Variants in FIGN observed in about 807,000 individuals in gnomAD.
FIGN encodes fidgetin, microtubule severing factor, also known as fidgetin.
In FIGN, 11 loss-of-function variants were observed where a neutral mutation model predicts 51.3. The ratio of observed to expected loss-of-function variants is 0.21; its 90% CI spans 0.13 to 0.35. FIGN has a LOEUF of 0.35. Among genes scored for constraint, FIGN ranks in the 10% least tolerant of loss-of-function variants. FIGN has a pLI of 1.00. For missense variants in FIGN, 857 were observed against 943.6 expected (o/e 0.91, Z 1.20); for synonymous variants, 407 against 363.2 (o/e 1.12, Z -1.37).
intron 2 of FIGN, among the ~76,000 whole-genome samples, chr2:163,727,599 AT>A (rs1369886856): frequency 3.3e-5 from 5 of 151,952 alleles, no homozygotes; most frequent in Non-Finnish European, 5.9e-5. Flanking sequence ...AATAAGTTCA[AT>A]TTTTTTCTTC....
At chr2:163,684,665 C>T (rs542633605) in intron 2 of FIGN, among the ~76,000 whole-genome samples, 1 of 152,320 alleles carries the variant, frequency 6.6e-6, no homozygotes, top group East Asian at 1.9e-4. Flanking sequence ...TCACTTTCTC[C>T]TCTATGAACC....
At chr2:163,705,784 T>C (rs1027416001) in intron 2 of FIGN, among the ~76,000 whole-genome samples, 1 of 152,080 alleles carries the variant, frequency 6.6e-6, no homozygotes, top group African/African-American at 2.4e-5. Flanking sequence ...AGTGACAAGA[T>C]AGGCACACTG....
chr2:163,630,275 A>G (rs896747810), intron 2 of FIGN, among the ~76,000 whole-genome samples: 3 of 152,024 alleles, frequency 2.0e-5, no homozygotes, highest in Non-Finnish European at 2.9e-5. Context: ...AGAAAGAGGC[A>G]CTTCTTTGTT....
chr2:163,695,018 C>A (rs932398693), intron 2 of FIGN, among the ~76,000 whole-genome samples: 1 of 152,054 alleles, frequency 6.6e-6, no homozygotes, highest in Non-Finnish European at 1.5e-5. Flanking sequence ...TTTCCGCCCC[C>A]CTCCTTTGAG....
rs1283274169 is a variant in FIGN, at chr2:163,672,365, A to G, written c.26-60559T>C. ...TGTGTAACTCTATGATATAAGCTTC[A>G]GAAAGCTAGGAGACTAAAGGATGAG... On this transcript the variant is annotated intron_variant, in intron 2 of 2. Transcript: ENST00000333129. 2.6e-5 allele frequency among the ~76,000 whole-genome samples: 4 copies of G among 152,146 alleles called. No individual in the cohort carries two copies. The East Asian group carries it at 7.7e-4, about 29-fold the overall frequency.
chr2:163,688,378 A>G (rs1388525369), intron 2 of FIGN, among the ~76,000 whole-genome samples: 2 of 152,214 alleles, frequency 1.3e-5, no homozygotes, highest in East Asian at 3.9e-4. Context: ...AATGTTACAG[A>G]TAAAGTGGTG....
intron 2 of FIGN, among the ~76,000 whole-genome samples, chr2:163,723,899 A>G (rs1409566177): frequency 1.3e-5 from 2 of 152,184 alleles, no homozygotes; most frequent in African/African-American, 4.8e-5. Context: ...TGGGCTTAAC[A>G]AAGTAATAAA....
At chr2:163,699,721 G>T (rs1360601167) in intron 2 of FIGN, among the ~76,000 whole-genome samples, 3 of 152,112 alleles carry the variant, frequency 2.0e-5, no homozygotes, top group African/African-American at 7.2e-5. Flanking sequence ...AATCTTAATA[G>T]AATCTGTAGT....
intron 2 of FIGN, among the ~76,000 whole-genome samples, chr2:163,706,321 A>T (rs965629653): frequency 1.5e-4 from 23 of 152,162 alleles, no homozygotes; most frequent in Non-Finnish European, 3.2e-4. Flanking sequence ...TATTTACCTG[A>T]AAAGAAATAC....
chr2:163,704,121 G>C (rs1488669947), intron 2 of FIGN, among the ~76,000 whole-genome samples: 1 of 151,988 alleles, frequency 6.6e-6, no homozygotes, highest in Non-Finnish European at 1.5e-5. Flanking sequence ...AATTTTTAAA[G>C]CTTTACACAA....
At chr2:163,647,072 T>C (rs1277959114) in intron 2 of FIGN, among the ~76,000 whole-genome samples, 1 of 152,176 alleles carries the variant, frequency 6.6e-6, no homozygotes, top group African/African-American at 2.4e-5. Context: ...CACTAAAGGT[T>C]AGAAAATGGC....
At position 163,609,379 on chromosome 2, in the gene FIGN, T is replaced by C. The variant is rs1282413924; in HGVS notation, c.*173A>G. 1.6e-6 allele frequency: 1 copy of C among 616,446 alleles called. No homozygotes were observed. Among genetic ancestry groups the C allele is most frequent in the Non-Finnish European group, 2.8e-6 (1 of 358,506 alleles). The allele number at this position is 616,446 out of a possible 1,614,324, so 38.2% of individuals were successfully genotyped here. ...GGGCTTTCAAATCAGAAGCTCTCATTTGATGCACTTTTCCTCCAAATCTAC... is the reference window on the plus strand; with the variant it reads ...GGGCTTTCAAATCAGAAGCTCTCATCTGATGCACTTTTCCTCCAAATCTAC... On this transcript the variant is annotated 3_prime_UTR_variant, in exon 3 of 3. Coordinates refer to ENST00000333129, the MANE Select transcript of FIGN (RefSeq NM_018086.4).
At chr2:163,668,260 A>G (rs1182018148) in intron 2 of FIGN, among the ~76,000 whole-genome samples, 1 of 152,158 alleles carries the variant, frequency 6.6e-6, no homozygotes, top group Non-Finnish European at 1.5e-5. Flanking sequence ...GAGAGCATGT[A>G]GATTAAAAAA....
At chr2:163,695,777 C>T (rs1448398957) in intron 2 of FIGN, among the ~76,000 whole-genome samples, 6 of 152,140 alleles carry the variant, frequency 3.9e-5, no homozygotes, top group African/African-American at 1.4e-4. Flanking sequence ...AAGACATTTT[C>T]CCACCCAGCA....
At chr2:163,683,025 C>T (rs1006199405) in intron 2 of FIGN, among the ~76,000 whole-genome samples, 4 of 152,082 alleles carry the variant, frequency 2.6e-5, no homozygotes, top group Non-Finnish European at 5.9e-5. Context: ...AAATCTTAAG[C>T]ACAACCCAAA....
At chr2:163,712,892 A>G (rs1353595748) in intron 2 of FIGN, among the ~76,000 whole-genome samples, 1 of 152,228 alleles carries the variant, frequency 6.6e-6, no homozygotes, top group Non-Finnish European at 1.5e-5. Context: ...AAAAGCTATT[A>G]TAGTAATCAT....
chr2:163,640,432 A>G (rs1445414411), intron 2 of FIGN, among the ~76,000 whole-genome samples: 2 of 152,206 alleles, frequency 1.3e-5, no homozygotes, highest in African/African-American at 4.8e-5. Context: ...ATATAGAGTC[A>G]TGAGTGTGTG....
At position 163,653,388 on chromosome 2, in the gene FIGN, T is replaced by C. The variant is rs1165360730; in HGVS notation, c.26-41582A>G. ...TTAAAATATAAGCTTGCCACTTATA[T>C]GAAAAGACAACGAAAAGACCTTAAA... is the stretch of plus-strand genomic sequence containing the variant. On this transcript the variant is annotated intron_variant, in intron 2 of 2. Transcript: ENST00000333129. Among the ~76,000 whole-genome samples the C allele has an allele frequency of 4.6e-5, 7 of 152,190 alleles. No individual in the cohort carries two copies. The South Asian group carries it at 1.2e-3, about 27-fold the overall frequency.
chr2:163,663,238 T>C (rs1246539648), intron 2 of FIGN, among the ~76,000 whole-genome samples: 1 of 149,600 alleles, frequency 6.7e-6, no homozygotes, highest in African/African-American at 2.4e-5. Flanking sequence ...TAATGTTGGT[T>C]TTTTTTTTTT....
Sources: allele counts gnomAD v4.1 joint callset (sites outside exome capture counted in the v4.1 genomes callset), GRCh38; gene constraint gnomAD v4.1.1; transcripts MANE v1.5; gene names NCBI Gene and HGNC (gene_info 2026-07-23, HGNC 2026-07-21).